The following SH3PXD2A variants were observed in gnomAD, a reference collection of about 807,000 sequenced individuals.
SH3PXD2A encodes the protein SH3 and PX domains 2A, also known as SH3 and PX domain-containing protein 2A.
Under a neutral mutation model 115.2 loss-of-function variants are expected in SH3PXD2A, and 32 were observed. The ratio of observed to expected loss-of-function variants is 0.28; its 90% CI spans 0.21 to 0.37. SH3PXD2A has a LOEUF of 0.37. SH3PXD2A is among the 10% of genes least tolerant of loss of function. The pLI, the probability that SH3PXD2A is intolerant of heterozygous loss-of-function variation, is 1.00. For synonymous variants in SH3PXD2A, 610 were observed against 629.1 expected (o/e 0.97, Z 0.45); for missense variants, 1,328 against 1,498.7 (o/e 0.89, Z 1.88).
At position 103,602,341 on chromosome 10, in the gene SH3PXD2A, C is replaced by T; in HGVS notation, c.2877G>A (p.Lys959=). The change falls in exon 15 of 15, where the codon AAG becomes AAA. Residue 959 remains lysine (K), a synonymous_variant. Transcript: ENST00000369774. ...TCTTCACCGCTGGAGTGCCTGAGGT[C>T]TTGCCGAAGCCCCCGGGAGGTTTGG... The part of the protein sequence containing the change: ...IPSKPPGGFG[K]TSGTPAVKMR... 1 of 1,613,566 alleles carries T rather than the reference C, an allele frequency of 6.2e-7. No individual in the cohort carries two copies. Among genetic ancestry groups the T allele is most frequent in the Non-Finnish European group, 8.5e-7 (1 of 1,179,844 alleles).
Position 103,602,529 on chromosome 10 carries a change from C to T in SH3PXD2A, c.2689G>A (p.Asp897Asn), listed in dbSNP as rs778746354. The T allele has an allele frequency of 3.1e-6, 5 of 1,614,180 alleles. No homozygotes were observed. Among genetic ancestry groups the T allele is most frequent in the South Asian group, 1.1e-5 (1 of 91,086 alleles). ...GAGGGGTCAGGTTGCTCGTTCTCAT[C>T]CAGCACCAAATAGTGGGAAGGGGCC... is the stretch of plus-strand genomic sequence containing the variant. ...GWAPSHYLVL[D>N]ENEQPDPSGK... Residue 897 changes from aspartate (D) to asparagine (N), a missense_variant, in exon 15 of 15, where the codon GAT (aspartate) becomes AAT (asparagine). Physicochemically the swap from Asp to Asn is conservative, Grantham distance 23. This residue lies in a region of SH3PXD2A where 574 missense variants were observed against 565.7 expected (regional missense o/e 1.01). Coordinates refer to ENST00000369774, the MANE Select transcript of SH3PXD2A (RefSeq NM_001394015.1).
intron 14 of SH3PXD2A, among the ~76,000 whole-genome samples, chr10:103,605,369 C>T (rs2133913348): frequency 6.6e-6 from 1 of 152,270 alleles, no homozygotes; most frequent in East Asian, 1.9e-4. Context: ...TGGGGTTGGG[C>T]AATGCTGTCT....
rs530475587 is a variant in SH3PXD2A at position 103,842,073 on chromosome 10, C to T, written c.72+13122G>A. Among the ~76,000 whole-genome samples, 12 of 146,988 alleles carry T rather than the reference C, an allele frequency of 8.2e-5. No homozygotes were observed. The South Asian group carries it at 1.1e-3, about 13-fold the overall frequency. On this transcript the variant is annotated intron_variant, in intron 1 of 14. Coordinates refer to ENST00000369774, the MANE Select transcript of SH3PXD2A (RefSeq NM_001394015.1). ...CCGGGAGGTGGAGCTTGCAGTGAGC[C>T]GAGATCGCACCACTACACTGCAGCC...
At position 103,665,422 on chromosome 10, in the gene SH3PXD2A, T is replaced by C. The variant is rs1353366775; in HGVS notation, c.472+3186A>G. Among the ~76,000 whole-genome samples the C allele has an allele frequency of 1.3e-5, 2 of 152,168 alleles. No homozygotes were observed. Among genetic ancestry groups the C allele is most frequent in the Admixed American group, 6.5e-5 (1 of 15,286 alleles). On this transcript the variant is annotated intron_variant, in intron 7 of 14. Coordinates refer to ENST00000369774, the MANE Select transcript of SH3PXD2A (RefSeq NM_001394015.1). The surrounding 1 kb of genome is among the most constrained non-coding windows in gnomAD (Gnocchi z 4.0). ...CTGACCTTCCTGAAGGCTGACTCTC[T>C]GGGACACAGGTAGAAAAGTTAAGGA...
chr10:103,748,971 C>T (rs1001113486), intron 3 of SH3PXD2A, among the ~76,000 whole-genome samples: 1 of 151,264 alleles, frequency 6.6e-6, no homozygotes, highest in African/African-American at 2.4e-5. Context: ...TTTCTTTCTT[C>T]TTTCTTTTTT....
chr10:103,729,928 A>G (rs371031390), intron 4 of SH3PXD2A, among the ~76,000 whole-genome samples: 36 of 152,174 alleles, frequency 2.4e-4, no homozygotes, highest in African/African-American at 8.7e-4. Flanking sequence ...ATCATGGCCA[A>G]TGATGCAGGT....
At chr10:103,702,130 A>G (rs1361767466) in intron 5 of SH3PXD2A, among the ~76,000 whole-genome samples, 6 of 149,826 alleles carry the variant, frequency 4.0e-5, no homozygotes, top group Admixed American at 1.3e-4. Flanking sequence ...TCCATCATTC[A>G]TCTACCATTC....
chr10:103,687,126 G>A (rs73332617), intron 6 of SH3PXD2A, among the ~76,000 whole-genome samples: 4,165 of 152,202 alleles, frequency 0.027, 185 homozygotes, highest in African/African-American at 0.093. Flanking sequence ...CACTCTGGGT[G>A]GGCCTGAGTC....
In SH3PXD2A at chr10:103,784,349, C is replaced by A. The variant is rs2038960905; in HGVS notation, c.153+16933G>T. On this transcript the variant is annotated intron_variant, in intron 2 of 14. Coordinates refer to ENST00000369774, the MANE Select transcript of SH3PXD2A (RefSeq NM_001394015.1). This position sits in a 1 kb window ranked among gnomAD's most constrained non-coding sequence, Gnocchi z 4.4. ...GGATGCCCGTGCCTGGAGCGCCTTCCCAGCCTACCTGAACCCCAGCCCTTC... is the reference window on the plus strand; with the variant it reads ...GGATGCCCGTGCCTGGAGCGCCTTCACAGCCTACCTGAACCCCAGCCCTTC... Among the ~76,000 whole-genome samples, 1 of 152,170 alleles carries A rather than the reference C, an allele frequency of 6.6e-6. No individual in the cohort carries two copies. The highest frequency in any genetic ancestry group is 2.4e-5 in the African/African-American group (1 of 41,448).
Position 103,601,929 on chromosome 10 carries a change from A to C in SH3PXD2A, c.3289T>G (p.Ser1097Ala). 1 of 1,613,758 alleles carries C rather than the reference A, an allele frequency of 6.2e-7. No homozygotes were observed. Among genetic ancestry groups the C allele is most frequent in the East Asian group, 2.2e-5 (1 of 44,836 alleles). ...GGGTTCCTCTCCAGAACCTCCATGG[A>C]CACCCCCTCCTGGAAGCCTGCTGTC... ...EETAGFQEGV[S>A]MEVLERNPNG... The change falls in exon 15 of 15, where the codon TCC (serine) becomes GCC (alanine). Residue 1097 changes from serine (S) to alanine (A), a missense_variant. Physicochemically the swap from Ser to Ala is moderately conservative, Grantham distance 99. Around this residue, in one of 5 missense-constraint regions of SH3PXD2A, gnomAD observed 45 missense variants for 73.6 expected, o/e 0.61. Transcript: ENST00000369774.
chr10:103,654,485 C>T (rs1249516104), intron 8 of SH3PXD2A, among the ~76,000 whole-genome samples: 1 of 152,208 alleles, frequency 6.6e-6, no homozygotes, highest in Non-Finnish European at 1.5e-5. Context: ...GGCAGAGCTG[C>T]CCCAATCAGT....
At chr10:103,616,051 C>CG (rs1223864839) in intron 11 of SH3PXD2A, among the ~76,000 whole-genome samples, 1 of 30,728 alleles carries the variant, frequency 3.3e-5, no homozygotes, top group African/African-American at 1.7e-4. Flanking sequence ...GGGGTAGGGG[C>CG]GGGGGGTGTG....
intron 2 of SH3PXD2A, among the ~76,000 whole-genome samples, chr10:103,768,382 C>T (rs59278461): frequency 0.058 from 8,867 of 152,218 alleles, 724 homozygotes; most frequent in East Asian, 0.29. Flanking sequence ...AAGCAAGCTA[C>T]GCTGGAGAGG....
In SH3PXD2A at chr10:103,855,298, G is replaced by A; in HGVS notation, c.-32C>T. 1.9e-5 allele frequency: 28 copies of A among 1,495,886 alleles called. No homozygotes were observed. The highest frequency in any genetic ancestry group is 2.3e-5 in the Non-Finnish European group (26 of 1,115,906). The allele number at this position is 1,495,886 out of a possible 1,614,324, so 92.7% of individuals were successfully genotyped here. On this transcript the variant is annotated 5_prime_UTR_variant, in exon 1 of 15. Coordinates refer to ENST00000369774, the MANE Select transcript of SH3PXD2A (RefSeq NM_001394015.1). ...CCACAAAGCGAGTGGCGCCCCCGGC[G>A]GCGTCACCTTCTCATCCCGGCCGGG... is the stretch of plus-strand genomic sequence containing the variant.
intron 5 of SH3PXD2A, among the ~76,000 whole-genome samples, chr10:103,721,769 C>T (rs538531114): frequency 1.3e-5 from 2 of 152,272 alleles, no homozygotes; most frequent in South Asian, 2.1e-4. Context: ...TGCTGCCAGG[C>T]TCAGAGCCTT....
At chr10:103,760,077 C>G (rs1182555407) in intron 3 of SH3PXD2A, among the ~76,000 whole-genome samples, 2 of 152,212 alleles carry the variant, frequency 1.3e-5, no homozygotes, top group Non-Finnish European at 2.9e-5. Context: ...GGGCATACGG[C>G]AGGTTTGCAT....
At chr10:103,787,963 T>C (rs2038996497) in intron 2 of SH3PXD2A, among the ~76,000 whole-genome samples, 1 of 152,066 alleles carries the variant, frequency 6.6e-6, no homozygotes, top group African/African-American at 2.4e-5. Context: ...CCTGGTGGCT[T>C]TGGGGTCTGT....
intron 9 of SH3PXD2A, among the ~76,000 whole-genome samples, chr10:103,623,690 T>TCAG (rs944805843): frequency 6.6e-6 from 1 of 152,180 alleles, no homozygotes; most frequent in African/African-American, 2.4e-5. Flanking sequence ...CCTGTGTCAC[T>TCAG]CTAGGAGGCC....
intron 2 of SH3PXD2A, among the ~76,000 whole-genome samples, chr10:103,793,583 A>G (rs117304246): frequency 0.027 from 4,114 of 152,346 alleles, 74 homozygotes; most frequent in Non-Finnish European, 0.039. Context: ...GACCTCAGTC[A>G]AGGCTGATGT....
Sources: allele counts gnomAD v4.1 joint callset (sites outside exome capture counted in the v4.1 genomes callset), GRCh38; gene constraint gnomAD v4.1.1; regional missense constraint gnomAD v4.1.1; non-coding constraint Gnocchi (gnomAD v3.1); transcripts MANE v1.5; gene names NCBI Gene and HGNC (gene_info 2026-07-23, HGNC 2026-07-21).